Variants in CRYL1 observed in about 807,000 individuals in gnomAD.
CRYL1 encodes the protein lambda-crystallin homolog.
A neutral mutation model predicts 36.6 loss-of-function variants in CRYL1; 29 were observed. The ratio of observed to expected loss-of-function variants is 0.79; its 90% CI spans 0.59 to 1.08. The LOEUF (loss-of-function observed/expected upper bound fraction) is 1.08, where lower values mean the gene tolerates loss of function less well. CRYL1 is among the 50% of genes least tolerant of loss of function. The probability of loss-of-function intolerance (pLI) is 0.00; values close to 1 mark genes in which losing one functional copy is unlikely to be tolerated. For missense variants in CRYL1, 411 were observed against 407.9 expected, an observed-to-expected ratio of 1.01 and a Z score of -0.06; for synonymous variants, 152 against 151.5, an observed-to-expected ratio of 1.00 and a Z score of -0.02.
chr13:20,430,076 G>A (rs1270202392), intron 5 of CRYL1, among the ~76,000 whole-genome samples: 2 of 152,014 alleles, frequency 1.3e-5, no homozygotes, highest in Non-Finnish European at 2.9e-5. Context: ...GGAAGTCATC[G>A]CTGTGGGGCT....
At chr13:20,438,486 C>T (rs995198841) in intron 4 of CRYL1, among the ~76,000 whole-genome samples, 6 of 152,166 alleles carry the variant, frequency 3.9e-5, no homozygotes, top group African/African-American at 1.4e-4. Flanking sequence ...TCAGAGTAAC[C>T]CTCACGATTC....
chr13:20,465,855 T>C (rs1175245287), intron 3 of CRYL1, among the ~76,000 whole-genome samples: 1 of 151,138 alleles, frequency 6.6e-6, no homozygotes, highest in Non-Finnish European at 1.5e-5. Context: ...GTTTGGGTCA[T>C]GGGGGTGGAT....
chr13:20,502,105 C>T (rs915391577), intron 2 of CRYL1, among the ~76,000 whole-genome samples: 4 of 152,138 alleles, frequency 2.6e-5, no homozygotes, highest in Non-Finnish European at 5.9e-5. Flanking sequence ...ATCTGGCATG[C>T]CTATCTCCAA....
chr13:20,414,558 C>T (rs1410208977), intron 5 of CRYL1, among the ~76,000 whole-genome samples: 1 of 152,196 alleles, frequency 6.6e-6, no homozygotes, highest in African/African-American at 2.4e-5. Flanking sequence ...CACATGCCTG[C>T]AAGTCCGGCC....
chr13:20,483,052 G>GGAA (rs2033310386), intron 3 of CRYL1, among the ~76,000 whole-genome samples: 1 of 152,026 alleles, frequency 6.6e-6, no homozygotes, highest in Admixed American at 6.5e-5. Flanking sequence ...ACCAGGAAGG[G>GGAA]GAAGGAGCGA....
At position 20,525,838 on chromosome 13, in the gene CRYL1, C is replaced by T; in HGVS notation, c.-44G>A. 1 of 1,214,678 alleles carries T rather than the reference C, an allele frequency of 8.2e-7. No homozygotes were observed. The highest frequency in any genetic ancestry group is 1.0e-6 in the Non-Finnish European group (1 of 975,276). 75.2% of individuals were successfully genotyped at this position (1,214,678 alleles called of 1,614,324 possible). ...GCGCCGCGGGCGCTGGGACCAGGCGCCGGCGGAGCTGCGAGCTCTGGGCTC... is the reference window on the plus strand; with the variant it reads ...GCGCCGCGGGCGCTGGGACCAGGCGTCGGCGGAGCTGCGAGCTCTGGGCTC... On this transcript the variant is annotated 5_prime_UTR_variant, in exon 1 of 8. Transcript: ENST00000298248. This position sits in a 1 kb window ranked among gnomAD's most constrained non-coding sequence, Gnocchi z 4.3.
intron 5 of CRYL1, among the ~76,000 whole-genome samples, chr13:20,428,045 C>A (rs1210458977): frequency 1.3e-5 from 2 of 152,156 alleles, no homozygotes; most frequent in African/African-American, 4.8e-5. Context: ...CAGAAAGGAA[C>A]CCCACCCTGG....
At chr13:20,505,719 G>A (rs56396310) in intron 2 of CRYL1, among the ~76,000 whole-genome samples, 2 of 152,232 alleles carry the variant, frequency 1.3e-5, no homozygotes, top group African/African-American at 4.8e-5. Context: ...TGTCAGGGAA[G>A]ATGCCTGTGG....
In CRYL1 at chr13:20,483,057, G is replaced by A. The variant is rs73445936; in HGVS notation, c.276+6313C>T. On this transcript the variant is annotated intron_variant, in intron 3 of 7. Coordinates refer to ENST00000298248, the MANE Select transcript of CRYL1 (RefSeq NM_015974.3). ...GCCGGCAGTTACCAGGAAGGGGAAGGAGCGATGAAGAGAAGCTGGTTAATG... is the reference window on the plus strand; with the variant it reads ...GCCGGCAGTTACCAGGAAGGGGAAGAAGCGATGAAGAGAAGCTGGTTAATG... 4.1e-3 allele frequency among the ~76,000 whole-genome samples: 622 copies of A among 152,162 alleles called. 5 individuals are homozygous for A. The highest frequency in any genetic ancestry group is 0.014 in the African/African-American group (593 of 41,504).
intron 2 of CRYL1, among the ~76,000 whole-genome samples, chr13:20,503,972 C>T (rs1041846085): frequency 6.6e-6 from 1 of 152,170 alleles, no homozygotes; most frequent in Non-Finnish European, 1.5e-5. Context: ...AGATGATTCA[C>T]TTTTAGGTGG....
chr13:20,494,727 A>T (rs2001367), intron 2 of CRYL1, among the ~76,000 whole-genome samples: 56,992 of 152,120 alleles, frequency 0.37, 11,191 homozygotes, highest in East Asian at 0.49. Context: ...TTGTTCCTCG[A>T]TCCTCCAGGG....
intron 3 of CRYL1, among the ~76,000 whole-genome samples, chr13:20,442,784 TTTTG>T (rs2032376323): frequency 6.6e-6 from 1 of 152,200 alleles, no homozygotes; most frequent in South Asian, 2.1e-4. Flanking sequence ...TTTGTTTGGG[TTTTG>T]TTTGTTTTGA....
In CRYL1 at chr13:20,435,844, C is replaced by G. The variant is rs2032201474; in HGVS notation, c.439-3548G>C. On this transcript the variant is annotated intron_variant, in intron 4 of 7. Coordinates refer to ENST00000298248, the MANE Select transcript of CRYL1 (RefSeq NM_015974.3). This position sits in a 1 kb window ranked among gnomAD's most constrained non-coding sequence, Gnocchi z 4.0. Reference sequence around the variant, plus strand: ...GGAGCAACCAAAACGGCGAGGCCCACAGGGCCGACAGCGCCCTCGCGGGAG... The same window carrying G: ...GGAGCAACCAAAACGGCGAGGCCCAGAGGGCCGACAGCGCCCTCGCGGGAG... Among the ~76,000 whole-genome samples the G allele has an allele frequency of 6.6e-6, 1 of 152,178 alleles. No individual in the cohort carries two copies. The highest frequency in any genetic ancestry group is 2.1e-4 in the South Asian group (1 of 4,830).
intron 5 of CRYL1, chr13:20,431,888 C>A: frequency 6.7e-7 from 1 of 1,501,332 alleles, no homozygotes; most frequent in Non-Finnish European, 8.9e-7. Flanking sequence ...GTAAGAAGAA[C>A]CTCTCAGGCA....
chr13:20,494,526 C>G (rs370184070), intron 2 of CRYL1, among the ~76,000 whole-genome samples: 32 of 152,298 alleles, frequency 2.1e-4, no homozygotes, highest in African/African-American at 7.5e-4. Flanking sequence ...GGTCTGGGAA[C>G]ATAGTGAGTA....
intron 3 of CRYL1, among the ~76,000 whole-genome samples, chr13:20,477,243 G>T (rs1043698757): frequency 6.6e-6 from 1 of 152,138 alleles, no homozygotes; most frequent in Admixed American, 6.6e-5. Context: ...TGGGAGGATC[G>T]CTTGAGCCCA....
chr13:20,410,849 G>A (rs1233606599), intron 6 of CRYL1, among the ~76,000 whole-genome samples: 1 of 152,136 alleles, frequency 6.6e-6, no homozygotes, highest in Non-Finnish European at 1.5e-5. Context: ...TTTGCCCAAG[G>A]TTATACAGCC....
intron 5 of CRYL1, among the ~76,000 whole-genome samples, chr13:20,421,013 G>A (rs140061267): frequency 0.011 from 1,644 of 151,970 alleles, 16 homozygotes; most frequent in Non-Finnish European, 0.018. Context: ...GATTACAGGC[G>A]TGAGCCACTG....
intron 3 of CRYL1, among the ~76,000 whole-genome samples, chr13:20,479,244 C>T (rs2033227490): frequency 6.6e-6 from 1 of 152,190 alleles, no homozygotes; most frequent in Admixed American, 6.5e-5. Context: ...CTTTAATAAT[C>T]ACTTTAAAGA....
Sources: allele counts gnomAD v4.1 joint callset (sites outside exome capture counted in the v4.1 genomes callset), GRCh38; gene constraint gnomAD v4.1.1; non-coding constraint Gnocchi (gnomAD v3.1); transcripts MANE v1.5; gene names NCBI Gene and HGNC (gene_info 2026-07-23, HGNC 2026-07-21).